Variants in ITGB5 observed in about 807,000 individuals in gnomAD.
ITGB5 encodes the protein integrin subunit beta 5.
In ITGB5, 38 loss-of-function variants were observed where a neutral mutation model predicts 84.8. The observed-to-expected ratio is 0.45, with a 90% CI of 0.35 to 0.59. The LOEUF (loss-of-function observed/expected upper bound fraction) is 0.59. Ranked by LOEUF, ITGB5 falls within the 20% of genes least tolerant of loss-of-function variation. ITGB5 has a pLI of 0.01. For missense variants in ITGB5, 905 were observed against 1,034.5 expected, an observed-to-expected ratio of 0.87 and a Z score of 1.72; for synonymous variants, 393 against 414.4, an observed-to-expected ratio of 0.95 and a Z score of 0.63.
chr3:124,832,207 T>C (rs762934401), intron 5 of ITGB5, among the ~76,000 whole-genome samples: 1 of 152,148 alleles, frequency 6.6e-6, no homozygotes, highest in Non-Finnish European at 1.5e-5. Context: ...GATGGTTCCA[T>C]AGACTGGGAC....
intron 1 of ITGB5, among the ~76,000 whole-genome samples, chr3:124,884,088 C>A (rs1230521900): frequency 6.6e-6 from 1 of 152,068 alleles, no homozygotes. Flanking sequence ...TGAGGGTCAT[C>A]TCTTTCTTTT....
At position 124,764,433 on chromosome 3, in the gene ITGB5, A is replaced by G; in HGVS notation, c.2262T>C (p.Phe754=). 1 of 1,613,792 alleles carries G rather than the reference A, an allele frequency of 6.2e-7. No individual in the cohort carries two copies. Among genetic ancestry groups the G allele is most frequent in the Non-Finnish European group, 8.5e-7 (1 of 1,179,732 alleles). The part of the protein sequence containing the change: ...LLVTIHDRRE[F]AKFQSERSRA... Reference sequence around the variant, plus strand: ...TGGATCGCTCGCTCTGAAACTTTGCAAACTCCCTCCGGTCGTGGATGGTGA... The same window carrying G: ...TGGATCGCTCGCTCTGAAACTTTGCGAACTCCCTCCGGTCGTGGATGGTGA... The change falls in exon 14 of 15, where the codon TTT becomes TTC. Residue 754 remains phenylalanine (F), a synonymous_variant. Coordinates refer to ENST00000296181, the MANE Select transcript of ITGB5 (RefSeq NM_002213.5).
intron 7 of ITGB5, among the ~76,000 whole-genome samples, chr3:124,818,812 G>A (rs570035295): frequency 2.0e-5 from 3 of 152,292 alleles, no homozygotes; most frequent in Admixed American, 2.0e-4. Context: ...TTTTATCAGT[G>A]ATAATCTCAG....
At chr3:124,840,471 T>C (rs2064995529) in intron 5 of ITGB5, among the ~76,000 whole-genome samples, 1 of 152,144 alleles carries the variant, frequency 6.6e-6, no homozygotes, top group South Asian at 2.1e-4. Context: ...GTTTCAACAG[T>C]AGAAAATTAT....
chr3:124,790,971 A>G (rs929520018), intron 10 of ITGB5: 3 of 152,220 alleles, frequency 2.0e-5, no homozygotes, highest in Admixed American at 6.5e-5. Flanking sequence ...AAAGGATTCA[A>G]TGTACTCCAG....
intron 12 of ITGB5, 126 bp downstream of exon 12, chr3:124,768,887 C>A (rs2063802533): frequency 1.6e-6 from 1 of 642,280 alleles, no homozygotes; most frequent in African/African-American, 1.8e-5. Context: ...AGCACCGGGT[C>A]CTCATGGGGA....
intron 10 of ITGB5, chr3:124,780,613 C>T (rs911334566): frequency 6.6e-6 from 1 of 152,488 alleles, no homozygotes; most frequent in African/African-American, 2.4e-5. Flanking sequence ...CTTCTCTCTT[C>T]TCACGGCCCT....
At chr3:124,888,082 A>C (rs558251740), upstream of ITGB5, among the ~76,000 whole-genome samples, 71 of 151,076 alleles carry the variant, frequency 4.7e-4, no homozygotes, top group Admixed American at 4.7e-3. Context: ...CACCCGGACA[A>C]TTTTTACATG....
At chr3:124,887,881 C>G, upstream of ITGB5, 5 of 244,560 alleles carry the variant, frequency 2.0e-5, no homozygotes, top group East Asian at 1.3e-4. Context: ...CGTGGTGGGG[C>G]GTGGAGGCAC....
At chr3:124,885,689 G>A (rs1211026388) in intron 1 of ITGB5, among the ~76,000 whole-genome samples, 1 of 152,204 alleles carries the variant, frequency 6.6e-6, no homozygotes, top group African/African-American at 2.4e-5. Context: ...TATCCGTGAT[G>A]GGCACTGGCT....
At chr3:124,838,204 T>TA (rs56390552) in intron 5 of ITGB5, among the ~76,000 whole-genome samples, 32,880 of 116,162 alleles carry the variant, frequency 0.28, 3,594 homozygotes, top group African/African-American at 0.31. Context: ...TGTTCCAGAA[T>TA]AAAAAAAAAA....
At chr3:124,891,190 A>T (rs1934994466), upstream of ITGB5, among the ~76,000 whole-genome samples, 1 of 152,236 alleles carries the variant, frequency 6.6e-6, no homozygotes, top group African/African-American at 2.4e-5. Flanking sequence ...TAGACTTACC[A>T]TATGACCCAA....
intron 4 of ITGB5, 31 bp from the exon 5 acceptor site, chr3:124,841,582 C>T (rs1559963374): frequency 1.2e-6 from 2 of 1,604,562 alleles, no homozygotes; most frequent in Middle Eastern, 1.7e-4. Flanking sequence ...AGTCACTTTT[C>T]CATCATTGTC....
In ITGB5 at chr3:124,775,387, AGT is replaced by A. The variant is rs1322791932; in HGVS notation, c.1694-1477_1694-1476del. Among the ~76,000 whole-genome samples the A allele has an allele frequency of 1.5e-4, 23 of 151,014 alleles. 1 individual carries two copies. In the East Asian group the frequency reaches 4.1e-3, roughly 27 times the overall value. ...GAGTGCGAGCATCTGTGTGTGTTGG[AGT>A]GTGTGTGTGAGGGTGTGTTGGAGTG... On this transcript the variant is annotated intron_variant, in intron 10 of 14. Coordinates refer to ENST00000296181, the MANE Select transcript of ITGB5 (RefSeq NM_002213.5).
intron 10 of ITGB5, among the ~76,000 whole-genome samples, chr3:124,781,609 G>C (rs1253289650): frequency 6.6e-6 from 1 of 152,194 alleles, no homozygotes; most frequent in African/African-American, 2.4e-5. Flanking sequence ...CCAAGGGCAA[G>C]AGAGAAGTTG....
At chr3:124,807,190 A>AG (rs2064418337) in intron 9 of ITGB5, among the ~76,000 whole-genome samples, 1 of 152,190 alleles carries the variant, frequency 6.6e-6, no homozygotes, top group South Asian at 2.1e-4. Context: ...CTGCAGTGGA[A>AG]GGATCCCTTG....
intron 3 of ITGB5, 137 bp from the exon 4 acceptor site, chr3:124,848,695 A>G: frequency 1.1e-6 from 1 of 905,854 alleles, no homozygotes; most frequent in Non-Finnish European, 1.6e-6. Flanking sequence ...TTTTTCTTGG[A>G]AGTAAAGTGC....
At chr3:124,799,023 G>A (rs2064276673) in intron 9 of ITGB5, among the ~76,000 whole-genome samples, 1 of 152,212 alleles carries the variant, frequency 6.6e-6, no homozygotes, top group East Asian at 1.9e-4. Context: ...GGTGAGCTGA[G>A]GATAGCTAGG....
rs2064667008 is a variant in ITGB5 at position 124,819,665 on chromosome 3, T to G, written c.1038+74A>C. 5 of 1,042,066 alleles carry G rather than the reference T, an allele frequency of 4.8e-6. No homozygotes were observed. In the Admixed American group the frequency reaches 5.1e-5, roughly 11 times the overall value. 64.6% of individuals were successfully genotyped at this position (1,042,066 alleles called of 1,614,324 possible). A position where few individuals can be genotyped will look rare whatever the true frequency, so the allele number is the denominator to read the frequency against. ...ACCCCTCCTTTGAATTTCCCCCAGA[T>G]AGGCAGAGTTGTAAACACTCCTCAC... On this transcript the variant is annotated intron_variant, in intron 7 of 14. Transcript: ENST00000296181.
Sources: allele counts gnomAD v4.1 joint callset (sites outside exome capture counted in the v4.1 genomes callset), GRCh38; gene constraint gnomAD v4.1.1; transcripts MANE v1.5; gene names NCBI Gene and HGNC (gene_info 2026-07-23, HGNC 2026-07-21).